TP63: variants seen among roughly 807,000 people sequenced by gnomAD.
TP63 encodes the protein tumor protein 63.
A neutral mutation model predicts 82.8 loss-of-function variants in TP63; 17 were observed. The ratio of observed to expected loss-of-function variants is 0.21; its 90% CI spans 0.14 to 0.31. TP63 has a LOEUF of 0.31. TP63 is among the 10% of genes least tolerant of loss of function. The pLI is 1.00. For synonymous variants in TP63, 330 were observed against 321.7 expected (o/e 1.03, Z -0.28); for missense variants, 648 against 895.3 (o/e 0.72, Z 3.52).
intron 3 of TP63, among the ~76,000 whole-genome samples, chr3:189,751,358 T>C (rs1030184961): frequency 6.6e-6 from 1 of 152,210 alleles, no homozygotes; most frequent in Non-Finnish European, 1.5e-5. Context: ...CTGGGTCAAA[T>C]GGTATTTCCA....
the TP63 span, among the ~76,000 whole-genome samples, chr3:189,598,304 G>A: frequency 6.6e-6 from 1 of 150,776 alleles, no homozygotes; most frequent in Admixed American, 6.6e-5. Flanking sequence ...CAGCAGGAGA[G>A]GGGAGGGAAC....
At chr3:189,785,870 G>A (rs187598531) in intron 3 of TP63, among the ~76,000 whole-genome samples, 1 of 152,122 alleles carries the variant, frequency 6.6e-6, no homozygotes, top group East Asian at 1.9e-4. Flanking sequence ...AGACATTGCT[G>A]TATGTTCCTT....
intron 1 of TP63, among the ~76,000 whole-genome samples, chr3:189,643,609 T>G (rs1239357146): frequency 6.6e-6 from 1 of 152,206 alleles, no homozygotes; most frequent in Non-Finnish European, 1.5e-5. Flanking sequence ...ATTTCCACTC[T>G]ATCAATGTGA....
At chr3:189,713,792 C>T (rs1718768238) in intron 1 of TP63, among the ~76,000 whole-genome samples, 1 of 151,788 alleles carries the variant, frequency 6.6e-6, no homozygotes, top group Non-Finnish European at 1.5e-5. Flanking sequence ...ATAATTGATG[C>T]TTTTATAACT....
At chr3:189,811,868 G>A (rs940364352) in intron 4 of TP63, among the ~76,000 whole-genome samples, 5 of 152,194 alleles carry the variant, frequency 3.3e-5, no homozygotes, top group Non-Finnish European at 7.3e-5. Flanking sequence ...ACAGGAGCAG[G>A]CAGTGCCTGT....
chr3:189,875,651 C>G (rs1719125385), intron 10 of TP63, among the ~76,000 whole-genome samples: 1 of 97,170 alleles, frequency 1.0e-5, no homozygotes, highest in Non-Finnish European at 2.0e-5. Context: ...CTATTCTTAG[C>G]TTGCTGTAGT....
At chr3:189,775,239 A>G (rs865809303) in intron 3 of TP63, among the ~76,000 whole-genome samples, 472 of 138,716 alleles carry the variant, frequency 3.4e-3, no homozygotes, top group African/African-American at 9.5e-3. Context: ...AAAAAAAAAA[A>G]AAAGAAAGAA....
At chr3:189,889,200 G>T in intron 11 of TP63, 140 bp from the exon 12 acceptor site, 1 of 1,187,140 alleles carries the variant, frequency 8.4e-7, no homozygotes. Context: ...CTGTTTGAAG[G>T]GGTGTAGTGA....
intron 1 of TP63, among the ~76,000 whole-genome samples, chr3:189,710,031 T>C (rs747127615): frequency 2.0e-5 from 3 of 152,192 alleles, no homozygotes; most frequent in South Asian, 2.1e-4. Flanking sequence ...AATAGGGGGT[T>C]GTGTAATGTC....
intron 3 of TP63, among the ~76,000 whole-genome samples, chr3:189,763,891 G>A (rs1393568394): frequency 6.6e-6 from 1 of 152,162 alleles, no homozygotes; most frequent in Non-Finnish European, 1.5e-5. Flanking sequence ...TGCAATGGGA[G>A]GAGAGTCAGC....
intron 1 of TP63, among the ~76,000 whole-genome samples, chr3:189,636,355 A>C (rs906579809): frequency 6.6e-6 from 1 of 152,120 alleles, no homozygotes; most frequent in Non-Finnish European, 1.5e-5. Context: ...CACTTAAGCT[A>C]TCTAAATCAA....
rs769860332 is a variant in TP63 at position 189,872,847 on chromosome 3, T to C, written c.1213-12T>C. 3.7e-6 allele frequency: 6 copies of C among 1,614,026 alleles called. No individual in the cohort carries two copies. The highest frequency in any genetic ancestry group is 4.2e-6 in the Non-Finnish European group (5 of 1,180,010). On this transcript the variant is annotated splice_polypyrimidine_tract_variant and intron_variant, in intron 9 of 13. Transcript: ENST00000264731. Reference sequence around the variant, plus strand: ...TTCATGTTTCCTTCTTTCCTTCTGCTCACTTCCATAGGTGAGGGGCCGTGA... The same window carrying C: ...TTCATGTTTCCTTCTTTCCTTCTGCCCACTTCCATAGGTGAGGGGCCGTGA...
At chr3:189,682,049 A>T (rs1444594186) in intron 1 of TP63, among the ~76,000 whole-genome samples, 1 of 152,298 alleles carries the variant, frequency 6.6e-6, no homozygotes, top group Non-Finnish European at 1.5e-5. Flanking sequence ...CCTGGCCAAC[A>T]TGGTGAAACC....
chr3:189,616,451 C>A, the TP63 span, among the ~76,000 whole-genome samples: 1 of 152,202 alleles, frequency 6.6e-6, no homozygotes, highest in African/African-American at 2.4e-5. Context: ...TTCCTTGCTA[C>A]AACAAATAAT....
the TP63 span, among the ~76,000 whole-genome samples, chr3:189,605,821 A>G: frequency 1.3e-5 from 2 of 152,220 alleles, no homozygotes; most frequent in Non-Finnish European, 2.9e-5. Context: ...GAAGATAAGC[A>G]CTAAGAGATA....
At chr3:189,746,106 C>T (rs941786839) in intron 3 of TP63, among the ~76,000 whole-genome samples, 3 of 152,018 alleles carry the variant, frequency 2.0e-5, no homozygotes, top group East Asian at 3.9e-4. Flanking sequence ...TTCTCTACAG[C>T]ACATTACAGT....
intron 3 of TP63, among the ~76,000 whole-genome samples, chr3:189,779,623 T>G (rs1303328829): frequency 6.6e-6 from 1 of 152,224 alleles, no homozygotes; most frequent in Non-Finnish European, 1.5e-5. Flanking sequence ...CAGTAATCTC[T>G]TCTGTGACAG....
At chr3:189,688,948 G>A (rs1043829248) in intron 1 of TP63, among the ~76,000 whole-genome samples, 7 of 151,922 alleles carry the variant, frequency 4.6e-5, no homozygotes, top group African/African-American at 9.7e-5. Flanking sequence ...CAATGGCAGC[G>A]ACTAAGTCCC....
rs60116225 is a variant in TP63, at chr3:189,670,299, C to A, written c.62+38722C>A. On this transcript the variant is annotated intron_variant, in intron 1 of 13. Coordinates refer to ENST00000264731, the MANE Select transcript of TP63 (RefSeq NM_003722.5). ...TCAGAACAGGTACAGAAGATCCAAA[C>A]AACATTACCAACCAACTTGAACCAA... is the stretch of plus-strand genomic sequence containing the variant. Among the ~76,000 whole-genome samples, 1,253 of 152,110 alleles carry A rather than the reference C, an allele frequency of 8.2e-3. 23 individuals carry two copies. Among genetic ancestry groups the A allele is most frequent in the African/African-American group, 0.029 (1,197 of 41,558 alleles).
Sources: gnomAD v4.1 joint callset for allele counts (sites outside exome capture counted in the v4.1 genomes callset) on GRCh38, gnomAD v4.1.1 for gene constraint, MANE v1.5 for transcripts, NCBI Gene and HGNC (gene_info 2026-07-23, HGNC 2026-07-21) for gene names.